Variants in HIVEP2 observed in about 807,000 individuals in gnomAD.
HIVEP2 encodes the protein HIVEP zinc finger 2, also known as transcription factor HIVEP2.
A neutral mutation model predicts 180.7 loss-of-function variants in HIVEP2; 14 were observed. The ratio of observed to expected loss-of-function variants is 0.08; its 90% CI spans 0.05 to 0.12. The LOEUF (loss-of-function observed/expected upper bound fraction) is 0.12. Ranked by LOEUF, HIVEP2 falls within the 10% of genes least tolerant of loss-of-function variation. The pLI, the probability that HIVEP2 is intolerant of heterozygous loss-of-function variation, is 1.00. For synonymous variants in HIVEP2, 1,184 were observed against 1,136.4 expected (o/e 1.04, Z -0.84); for missense variants, 2,579 against 3,008.5 (o/e 0.86, Z 3.34).
intron 2 of HIVEP2, among the ~76,000 whole-genome samples, chr6:142,797,152 T>C (rs894080419): frequency 6.6e-6 from 1 of 152,294 alleles, no homozygotes; most frequent in Admixed American, 6.5e-5. Flanking sequence ...ACTTTTTCTT[T>C]TTTTGATGTT....
chr6:142,773,684 T>C lies in HIVEP2; in HGVS notation c.1055A>G (p.Asn352Ser). 1 of 1,614,162 alleles carries C rather than the reference T, an allele frequency of 6.2e-7. No homozygotes were observed. Among genetic ancestry groups the C allele is most frequent in the African/African-American group, 1.3e-5 (1 of 75,054 alleles). ...ATCAGCCTTAGTATTTAAAGATGGA[T>C]TTGGTAGCATATCAGGGCCAATATA... ...SQYIGPDMLPNPSLNTKADDS... is the reference protein window; with the variant it reads ...SQYIGPDMLPSPSLNTKADDS... The change falls in exon 5 of 10, where the codon AAT becomes AGT. Residue 352 changes from asparagine to serine, a missense_variant. Transcript: ENST00000367603.
In HIVEP2 at chr6:142,771,449, A is replaced by G. The variant is rs769505698; in HGVS notation, c.3290T>C (p.Val1097Ala). The part of the protein sequence containing the change: ...SGSPEISQGE[V>A]GMDQSVKQEQ... ...TTGCTTCACGCTCTGATCCATGCCAACCTCGCCCTGGGAGATTTCTGGGGA... is the reference window on the plus strand; with the variant it reads ...TTGCTTCACGCTCTGATCCATGCCAGCCTCGCCCTGGGAGATTTCTGGGGA... Residue 1097 changes from valine (V) to alanine (A), a missense_variant, in exon 5 of 10, where the codon GTT (valine) becomes GCT (alanine). Transcript: ENST00000367603. This position sits in a 1 kb window ranked among gnomAD's most constrained non-coding sequence, Gnocchi z 5.4. 9.9e-6 allele frequency: 16 copies of G among 1,613,324 alleles called. No homozygotes were observed. The highest frequency in any genetic ancestry group is 2.2e-5 in the East Asian group (1 of 44,872).
Position 142,760,332 on chromosome 6 carries a change from G to A in HIVEP2, c.5956C>T (p.Pro1986Ser), listed in dbSNP as rs772171638. 73 of 1,614,122 alleles carry A rather than the reference G, an allele frequency of 4.5e-5. 1 individual carries two copies. The South Asian group carries it at 5.8e-4, about 13-fold the overall frequency. Reference sequence around the variant, plus strand: ...TGGGTATCTTCACATGAATCACTGGGTGTCATAAGCTGAGTAACTCGAATA... The same window carrying A: ...TGGGTATCTTCACATGAATCACTGGATGTCATAAGCTGAGTAACTCGAATA... ...PSIRVTQLMT[P>S]SDSCEDTQMT... Residue 1986 changes from proline to serine, a missense_variant, in exon 9 of 10, where the codon CCC (proline) becomes TCC (serine). Coordinates refer to ENST00000367603, the MANE Select transcript of HIVEP2 (RefSeq NM_006734.4).
intron 9 of HIVEP2, among the ~76,000 whole-genome samples, chr6:142,754,848 A>G (rs180746277): frequency 1.8e-4 from 27 of 152,288 alleles, no homozygotes; most frequent in Non-Finnish European, 2.9e-5. Context: ...AAAATGGAGA[A>G]TTTATTTTCT....
At chr6:142,845,798 G>A (rs1421443545) in intron 1 of HIVEP2, among the ~76,000 whole-genome samples, 1 of 152,244 alleles carries the variant, frequency 6.6e-6, no homozygotes, top group Non-Finnish European at 1.5e-5. Context: ...GATTGACAGC[G>A]CCCTGGCAGA....
At chr6:142,932,396 G>A (rs1287227180) in intron 1 of HIVEP2, among the ~76,000 whole-genome samples, 2 of 151,970 alleles carry the variant, frequency 1.3e-5, no homozygotes, top group Non-Finnish European at 2.9e-5. Flanking sequence ...TCTGTAAAAC[G>A]TTTCTAAGCC....
At chr6:142,914,050 T>C (rs1777487275) in intron 1 of HIVEP2, among the ~76,000 whole-genome samples, 1 of 151,066 alleles carries the variant, frequency 6.6e-6, no homozygotes, top group Non-Finnish European at 1.5e-5. Context: ...ATTGCAGTCA[T>C]AGTACTGGGG....
Position 142,910,157 on chromosome 6 carries a change from T to C in HIVEP2, c.-641+34942A>G, listed in dbSNP as rs533802227. Reference sequence around the variant, plus strand: ...AAGGCTGAATAGGTATTTTCTACCATTGCAGTTTGATAAAATCATTTCATG... The same window carrying C: ...AAGGCTGAATAGGTATTTTCTACCACTGCAGTTTGATAAAATCATTTCATG... On this transcript the variant is annotated intron_variant, in intron 1 of 9. Transcript: ENST00000367603. Among the ~76,000 whole-genome samples the C allele has an allele frequency of 1.4e-4, 21 of 152,352 alleles. No homozygotes were observed. In the South Asian group the frequency reaches 2.3e-3, roughly 17 times the overall value.
chr6:142,753,921 C>T lies in HIVEP2; in HGVS notation c.6527G>A (p.Arg2176Lys). 6.3e-7 allele frequency: 1 copy of T among 1,577,142 alleles called. No homozygotes were observed. Among genetic ancestry groups the T allele is most frequent in the Non-Finnish European group, 8.7e-7 (1 of 1,155,144 alleles). The change falls in exon 10 of 10, where the codon AGA becomes AAA. Residue 2176 changes from arginine to lysine, a missense_variant. Transcript: ENST00000367603. ...GAAGTAAGGAACCTGAGGTAATCCT[C>T]TTCTTAAATTCTGCGCAGAGAAACA... ...PIVLGPPNLR[R>K]GLPQVPYFSL...
Position 142,943,617 on chromosome 6 carries a change from G to A in HIVEP2, c.-641+1482C>T, listed in dbSNP as rs1372797267. On this transcript the variant is annotated intron_variant, in intron 1 of 9. Transcript: ENST00000367603. The surrounding 1 kb of genome is among the most constrained non-coding windows in gnomAD (Gnocchi z 4.5). The stretch of plus-strand genomic sequence containing the variant: ...TGTGAATTATTGAGGTCCAGCTTTA[G>A]GGTTGGGGGCGAGTACCAATATTCA... Among the ~76,000 whole-genome samples, 2 of 152,156 alleles carry A rather than the reference G, an allele frequency of 1.3e-5. No individual in the cohort carries two copies. The highest frequency in any genetic ancestry group is 4.8e-5 in the African/African-American group (2 of 41,424).
At chr6:142,906,905 T>C (rs1015618769) in intron 1 of HIVEP2, among the ~76,000 whole-genome samples, 27 of 152,334 alleles carry the variant, frequency 1.8e-4, no homozygotes, top group Admixed American at 1.3e-3. Flanking sequence ...ATTGGTGATA[T>C]AATATTGCTT....
chr6:142,892,013 A>T (rs1776872249), intron 1 of HIVEP2, among the ~76,000 whole-genome samples: 1 of 152,186 alleles, frequency 6.6e-6, no homozygotes, highest in Admixed American at 6.6e-5. Flanking sequence ...AGGCTAGCTG[A>T]CACATGCAGG....
intron 1 of HIVEP2, among the ~76,000 whole-genome samples, chr6:142,846,462 CT>C (rs1759952260): frequency 6.6e-6 from 1 of 152,186 alleles, no homozygotes; most frequent in South Asian, 2.1e-4. Flanking sequence ...CTAAGGAGTA[CT>C]TAAGATCATT....
chr6:142,914,806 G>C (rs557698926), intron 1 of HIVEP2, among the ~76,000 whole-genome samples: 1 of 152,298 alleles, frequency 6.6e-6, no homozygotes, highest in African/African-American at 2.4e-5. Context: ...AAGTGACAAA[G>C]AGCAGATTCC....
chr6:142,841,773 G>A (rs993422858), intron 1 of HIVEP2, among the ~76,000 whole-genome samples: 6 of 151,852 alleles, frequency 4.0e-5, no homozygotes, highest in African/African-American at 1.5e-4. Context: ...CTACATATAC[G>A]ACATTTTAAC....
intron 1 of HIVEP2, among the ~76,000 whole-genome samples, chr6:142,857,559 C>T (rs567390036): frequency 1.3e-5 from 2 of 152,322 alleles, no homozygotes; most frequent in East Asian, 3.9e-4. Flanking sequence ...GGTGCAGCTG[C>T]GCTGACCACA....
At chr6:142,855,889 T>TA (rs199541660) in intron 1 of HIVEP2, among the ~76,000 whole-genome samples, 26,956 of 152,192 alleles carry the variant, frequency 0.18, 2,581 homozygotes, top group South Asian at 0.22. Context: ...GAAGTGAAAG[T>TA]ATTCTTTCAC....
In HIVEP2 at chr6:142,777,648, C is replaced by CA. The variant is rs58304452; in HGVS notation, c.-432-1458dup. 7.2e-4 allele frequency among the ~76,000 whole-genome samples: 20 copies of CA among 27,706 alleles called. 3 individuals are homozygous for CA. Among genetic ancestry groups the CA allele is most frequent in the Middle Eastern group, 0.043 (2 of 46 alleles). 18.2% of individuals were successfully genotyped at this position (27,706 alleles called of 152,430 possible). ...GGGCAACAAGAGCAAAACTCCATCTCAAAAAAAAAAAAAAAAAAAAAAAAA... is the reference window on the plus strand; with the variant it reads ...GGGCAACAAGAGCAAAACTCCATCTCAAAAAAAAAAAAAAAAAAAAAAAAAA... On this transcript the variant is annotated intron_variant, in intron 3 of 9. Transcript: ENST00000367603.
intron 1 of HIVEP2, among the ~76,000 whole-genome samples, chr6:142,844,884 G>A (rs960593249): frequency 6.6e-6 from 1 of 152,190 alleles, no homozygotes; most frequent in Non-Finnish European, 1.5e-5. Context: ...CATATGAATG[G>A]TTGCAAAAAC....
Sources: gnomAD v4.1 joint callset for allele counts (sites outside exome capture counted in the v4.1 genomes callset) on GRCh38, gnomAD v4.1.1 for gene constraint, Gnocchi (gnomAD v3.1) non-coding constraint, MANE v1.5 for transcripts, NCBI Gene and HGNC (gene_info 2026-07-23, HGNC 2026-07-21) for gene names.